The following SETD1A variants were observed in gnomAD, a reference collection of about 807,000 sequenced individuals.
The protein encoded by SETD1A is SET domain containing 1A, histone lysine methyltransferase, also known as histone-lysine N-methyltransferase SETD1A.
In SETD1A, 29 loss-of-function variants were observed where a neutral mutation model predicts 149.9. The observed-to-expected ratio is 0.19, with a 90% CI of 0.14 to 0.26. The LOEUF (loss-of-function observed/expected upper bound fraction) is 0.26. Among genes scored for constraint, SETD1A ranks in the 10% least tolerant of loss-of-function variants. The pLI, the probability that SETD1A is intolerant of heterozygous loss-of-function variation, is 1.00. For synonymous variants in SETD1A, 1,141 were observed against 968.5 expected (o/e 1.18, Z -3.31); for missense variants, 2,109 against 2,353.1 (o/e 0.90, Z 2.15).
chr16:30,961,809 A>G lies in SETD1A; in HGVS notation c.517+272A>G, dbSNP rs1231504410. The stretch of plus-strand genomic sequence containing the variant: ...AATCATATGAAGGGTTGTACTAGGT[A>G]AGATGAATAGATTGTAGTAAATCAG... On this transcript the variant is annotated intron_variant, in intron 4 of 18. Coordinates refer to ENST00000262519, the MANE Select transcript of SETD1A (RefSeq NM_014712.3). The surrounding 1 kb of genome is among the most constrained non-coding windows in gnomAD (Gnocchi z 4.0). Among the ~76,000 whole-genome samples the G allele has an allele frequency of 2.6e-5, 4 of 151,952 alleles. No individual in the cohort carries two copies. Among genetic ancestry groups the G allele is most frequent in the Admixed American group, 2.0e-4 (3 of 15,252 alleles).
intron 13 of SETD1A, among the ~76,000 whole-genome samples, chr16:30,973,703 A>G (rs1266156105): frequency 6.6e-6 from 1 of 152,104 alleles, no homozygotes; most frequent in Non-Finnish European, 1.5e-5. Context: ...GGGGTCTCCC[A>G]GTTGCACGTT....
intron 1 of SETD1A, chr16:30,958,439 C>T (rs893912368): frequency 3.0e-4 from 114 of 379,474 alleles, no homozygotes; most frequent in African/African-American, 2.3e-3. Context: ...GGTCTTGCTC[C>T]GAGGCCAAGT....
At chr16:30,960,619 G>T (rs555231042) in intron 3 of SETD1A, among the ~76,000 whole-genome samples, 1 of 151,860 alleles carries the variant, frequency 6.6e-6, no homozygotes, top group Non-Finnish European at 1.5e-5. Flanking sequence ...TATTTCCAGT[G>T]CCTCGTTCAT....
Position 30,966,278 on chromosome 16 carries a change from C to G in SETD1A, c.2397C>G (p.Val799=). ...TGGGCCGTGTGCTCGCCATGCTGGT[C>G]CAGGAGATGAAGAGCATCATGCAGC... ...GTVGRVLAML[V]QEMKSIMQRD... Residue 799 remains valine (V), a synonymous_variant, in exon 8 of 19, where the codon GTC becomes GTG. Coordinates refer to ENST00000262519, the MANE Select transcript of SETD1A (RefSeq NM_014712.3). The G allele has an allele frequency of 6.2e-7, 1 of 1,613,894 alleles. No homozygotes were observed. The highest frequency in any genetic ancestry group is 2.2e-5 in the East Asian group (1 of 44,880).
At chr16:30,974,089 G>A (rs1267470744) in intron 13 of SETD1A, among the ~76,000 whole-genome samples, 3 of 152,154 alleles carry the variant, frequency 2.0e-5, no homozygotes, top group African/African-American at 4.8e-5. Context: ...AAAGCCGAGC[G>A]GTTCTAATGT....
At chr16:30,958,527 G>A (rs982786145) in intron 1 of SETD1A, 190 bp from the exon 2 acceptor site, 18 of 593,644 alleles carry the variant, frequency 3.0e-5, no homozygotes, top group Non-Finnish European at 4.8e-5. Context: ...GTTGGGAGGT[G>A]GAAAGAGGCT....
rs1015284257 is a variant in SETD1A, at chr16:30,966,093, G to A, written c.2212G>A (p.Glu738Lys). ...GTATGCTCTATATGCACAGGGGCAG[G>A]AGGGCAGAGGGGCATACTCACGGGA... ...LPYALYAQGQ[E>K]GRGAYSREAY... Residue 738 changes from glutamate to lysine, a missense_variant, in exon 8 of 19, where the codon GAG (glutamate) becomes AAG (lysine). Physicochemically the swap from Glu to Lys is moderately conservative, Grantham distance 56 (BLOSUM62 1). This residue lies in a region of SETD1A where 431 missense variants were observed against 388.6 expected (regional missense o/e 1.11). Coordinates refer to ENST00000262519, the MANE Select transcript of SETD1A (RefSeq NM_014712.3). The A allele has an allele frequency of 6.3e-7, 1 of 1,593,036 alleles. No homozygotes were observed. Among genetic ancestry groups the A allele is most frequent in the Admixed American group, 1.7e-5 (1 of 58,544 alleles).
intron 8 of SETD1A, 108 bp downstream of exon 8, chr16:30,966,494 G>A (rs2056149356): frequency 1.4e-6 from 2 of 1,451,172 alleles, no homozygotes; most frequent in Non-Finnish European, 9.1e-7. Context: ...GGAGGCGAGT[G>A]GAGAGAGGCC....
chr16:30,964,470 C>T (rs934280614), intron 6 of SETD1A, 142 bp from the exon 7 acceptor site: 16 of 1,433,740 alleles, frequency 1.1e-5, no homozygotes, highest in Admixed American at 6.0e-5. Flanking sequence ...TTGCTGTCCT[C>T]GGGGAACACA....
Position 30,979,601 on chromosome 16 carries a change from C to T in SETD1A, c.3815C>T (p.Pro1272Leu), listed in dbSNP as rs1364792224. 1.2e-6 allele frequency: 2 copies of T among 1,611,258 alleles called. No homozygotes were observed. Among genetic ancestry groups the T allele is most frequent in the Admixed American group, 1.7e-5 (1 of 59,984 alleles). ...TPARRGLPAL[P>L]AVEDSEATET... The stretch of plus-strand genomic sequence containing the variant: ...GCCCGGCGCGGGCTGCCTGCCCTGC[C>T]TGCTGTTGAAGACTCAGAGGCCACA... Residue 1272 changes from proline (P) to leucine (L), a missense_variant, in exon 14 of 19, where the codon CCT becomes CTT. This residue lies in a region of SETD1A where 832 missense variants were observed against 815.6 expected (regional missense o/e 1.02). Coordinates refer to ENST00000262519, the MANE Select transcript of SETD1A (RefSeq NM_014712.3).
Position 30,964,707 on chromosome 16 carries a change from C to G in SETD1A, c.965C>G (p.Thr322Ser), listed in dbSNP as rs1479102396. 1 of 1,614,100 alleles carries G rather than the reference C, an allele frequency of 6.2e-7. No individual in the cohort carries two copies. The highest frequency in any genetic ancestry group is 8.5e-7 in the Non-Finnish European group (1 of 1,180,054). ...TTCTCTGCATCTTCAGCCTCCACAA[C>G]CGCCTCCACGGCCATCGCCGCCACC... ...RHFSASSAST[T>S]ASTAIAATTA... is the part of the protein sequence containing the mutation. The change falls in exon 7 of 19, where the codon ACC becomes AGC. Residue 322 changes from threonine (T) to serine (S), a missense_variant. Physicochemically the swap from Thr to Ser is moderately conservative, Grantham distance 58. Coordinates refer to ENST00000262519, the MANE Select transcript of SETD1A (RefSeq NM_014712.3).
At chr16:30,959,757 T>C (rs2143454569) in intron 3 of SETD1A, among the ~76,000 whole-genome samples, 1 of 152,042 alleles carries the variant, frequency 6.6e-6, no homozygotes, top group East Asian at 1.9e-4. Context: ...TTCTTCTTTT[T>C]TTTTTTTTTA....
intron 10 of SETD1A, among the ~76,000 whole-genome samples, chr16:30,968,425 T>C (rs534517264): frequency 0.068 from 10,241 of 150,560 alleles, 487 homozygotes; most frequent in Non-Finnish European, 0.11. Context: ...AATACATATA[T>C]ATATATATAT....
intron 13 of SETD1A, among the ~76,000 whole-genome samples, chr16:30,973,082 C>T (rs980688496): frequency 2.0e-5 from 3 of 152,050 alleles, no homozygotes; most frequent in African/African-American, 4.8e-5. Flanking sequence ...GGAAGAAAGC[C>T]GACCCTTCAG....
intron 3 of SETD1A, among the ~76,000 whole-genome samples, chr16:30,959,753 T>G (rs903593807): frequency 3.9e-5 from 3 of 77,784 alleles, no homozygotes; most frequent in Non-Finnish European, 8.4e-5. Context: ...CTTCTTCTTC[T>G]TTTTTTTTTT....
Position 30,984,063 on chromosome 16 carries a change from C to T in SETD1A, c.*40C>T, listed in dbSNP as rs754409554. The T allele has an allele frequency of 6.4e-7, 1 of 1,565,426 alleles. No individual in the cohort carries two copies. Among genetic ancestry groups the T allele is most frequent in the South Asian group, 1.2e-5 (1 of 84,672 alleles). On this transcript the variant is annotated 3_prime_UTR_variant, in exon 19 of 19. Transcript: ENST00000262519. ...GGTGCCCACACCCCTATTTATTCCC[C>T]CTGGTGCCCTGAGCTCCCAGCACCC...
intron 12 of SETD1A, among the ~76,000 whole-genome samples, chr16:30,971,146 C>G (rs576040707): frequency 8.3e-4 from 126 of 152,356 alleles, no homozygotes; most frequent in African/African-American, 2.8e-3. Flanking sequence ...CCCTGGGATG[C>G]TTTCCTTTTC....
chr16:30,971,781 G>T, intron 13 of SETD1A, 62 bp downstream of exon 13: 5 of 1,496,688 alleles, frequency 3.3e-6, no homozygotes, highest in Non-Finnish European at 4.5e-6. Flanking sequence ...AGAAAACAGT[G>T]GTGCTTGCAT....
In SETD1A at chr16:30,980,352, C is replaced by A; in HGVS notation, c.4409-133C>A. On this transcript the variant is annotated intron_variant, in intron 14 of 18. Transcript: ENST00000262519. The surrounding 1 kb of genome is among the most constrained non-coding windows in gnomAD (Gnocchi z 7.7). Reference sequence around the variant, plus strand: ...TTTCTGCCTTCCAAAGCATTTCTGGCAGGAACGATGGGGCTGGGGCTTCCT... The same window carrying A: ...TTTCTGCCTTCCAAAGCATTTCTGGAAGGAACGATGGGGCTGGGGCTTCCT... 1 of 1,445,504 alleles carries A rather than the reference C, an allele frequency of 6.9e-7. No individual in the cohort carries two copies. Among genetic ancestry groups the A allele is most frequent in the Non-Finnish European group, 9.3e-7 (1 of 1,073,982 alleles). The allele number at this position is 1,445,504 out of a possible 1,614,324, so 89.5% of individuals were successfully genotyped here.
Sources: allele counts gnomAD v4.1 joint callset (sites outside exome capture counted in the v4.1 genomes callset), GRCh38; gene constraint gnomAD v4.1.1; regional missense constraint gnomAD v4.1.1; non-coding constraint Gnocchi (gnomAD v3.1); transcripts MANE v1.5; gene names NCBI Gene and HGNC (gene_info 2026-07-23, HGNC 2026-07-21).